KCNN2: variants seen among roughly 807,000 people sequenced by gnomAD.
KCNN2 encodes potassium calcium-activated channel subfamily N member 2, also known as small conductance calcium-activated potassium channel protein 2.
A neutral mutation model predicts 55.5 loss-of-function variants in KCNN2; 24 were observed. That is an observed-to-expected ratio of 0.43 (90% CI 0.31 to 0.61). The LOEUF is 0.61. Among genes scored for constraint, KCNN2 ranks in the 20% least tolerant of loss-of-function variants. The pLI is 0.08. For missense variants in KCNN2, 754 were observed against 853.6 expected (o/e 0.88, Z 1.45); for synonymous variants, 431 against 336.1 (o/e 1.28, Z -3.09).
chr5:114,261,487 C>A (rs554891400), intron 2 of KCNN2, among the ~76,000 whole-genome samples: 30 of 152,274 alleles, frequency 2.0e-4, no homozygotes, highest in African/African-American at 6.7e-4. Flanking sequence ...TCCAAGTGAA[C>A]CTTTCACACA....
chr5:114,473,265 G>T, intron 5 of KCNN2, 101 bp downstream of exon 5: 1 of 778,774 alleles, frequency 1.3e-6, no homozygotes, highest in East Asian at 2.7e-5. Context: ...GAAATGACAT[G>T]GTTTGAAAGT....
intron 2 of KCNN2, among the ~76,000 whole-genome samples, chr5:114,232,922 C>CTCGTTTTTTTTTTTTTTT (rs200715120): frequency 1.8e-4 from 8 of 44,024 alleles, no homozygotes; most frequent in Admixed American, 5.4e-4. Flanking sequence ...TATATTGTTT[C>CTCGTTTTTTTTTTTTTTT]TTGTTTTTTT....
At chr5:114,206,262 C>T (rs1302012144) in intron 1 of KCNN2, among the ~76,000 whole-genome samples, 1 of 152,188 alleles carries the variant, frequency 6.6e-6, no homozygotes, top group East Asian at 1.9e-4. Flanking sequence ...TTTCCAAATA[C>T]ATTAAGTCCT....
At chr5:114,277,734 T>C (rs1248024652) in intron 2 of KCNN2, among the ~76,000 whole-genome samples, 1 of 152,174 alleles carries the variant, frequency 6.6e-6, no homozygotes, top group Non-Finnish European at 1.5e-5. Flanking sequence ...GTTAGCCATT[T>C]GTCTAACCTT....
intron 2 of KCNN2, among the ~76,000 whole-genome samples, chr5:114,381,719 C>T (rs908985466): frequency 6.6e-6 from 1 of 152,214 alleles, no homozygotes; most frequent in African/African-American, 2.4e-5. Context: ...CTCTTCCTTT[C>T]CTGAGCAACA....
chr5:114,235,249 A>G (rs1435941303), intron 2 of KCNN2, among the ~76,000 whole-genome samples: 1 of 152,164 alleles, frequency 6.6e-6, no homozygotes, highest in Admixed American at 6.5e-5. Context: ...TGCAAATCCA[A>G]CTTGTCCTTT....
At chr5:114,457,187 A>G (rs953657600) in intron 3 of KCNN2, among the ~76,000 whole-genome samples, 1 of 152,190 alleles carries the variant, frequency 6.6e-6, no homozygotes, top group Non-Finnish European at 1.5e-5. Flanking sequence ...TGCCACAGCC[A>G]TCTCAACCTT....
chr5:114,402,622 G>C (rs1196896409), intron 2 of KCNN2, among the ~76,000 whole-genome samples: 1 of 152,210 alleles, frequency 6.6e-6, no homozygotes, highest in Non-Finnish European at 1.5e-5. Flanking sequence ...GTATCAAATA[G>C]AGGGTATTTC....
chr5:114,094,783 T>C (rs966463767), intron 1 of KCNN2, among the ~76,000 whole-genome samples: 2 of 152,138 alleles, frequency 1.3e-5, no homozygotes, highest in Admixed American at 1.3e-4. Context: ...TGCTTTGCTC[T>C]CTGAATCAGA....
chr5:114,321,469 T>C (rs901814102), intron 2 of KCNN2, among the ~76,000 whole-genome samples: 3 of 152,000 alleles, frequency 2.0e-5, no homozygotes, highest in Non-Finnish European at 4.4e-5. Context: ...TACAACTCTT[T>C]TGTCTATAAG....
chr5:114,251,622 T>C (rs1393842182), intron 2 of KCNN2, among the ~76,000 whole-genome samples: 1 of 152,230 alleles, frequency 6.6e-6, no homozygotes. Flanking sequence ...CAGTAAGTTC[T>C]TGACTTTGAA....
chr5:114,412,524 G>A (rs1759168885), intron 3 of KCNN2, among the ~76,000 whole-genome samples: 1 of 152,176 alleles, frequency 6.6e-6, no homozygotes, highest in Non-Finnish European at 1.5e-5. Context: ...ACATAAGCCA[G>A]TTGTCATGGA....
intron 1 of KCNN2, among the ~76,000 whole-genome samples, chr5:114,220,561 A>G (rs1298670093): frequency 1.3e-5 from 2 of 152,162 alleles, no homozygotes; most frequent in Non-Finnish European, 2.9e-5. Context: ...AAAAAGAGAA[A>G]GGAATTATGA....
At chr5:114,197,206 T>C (rs1423429495) in intron 1 of KCNN2, among the ~76,000 whole-genome samples, 2 of 152,216 alleles carry the variant, frequency 1.3e-5, no homozygotes, top group Non-Finnish European at 2.9e-5. Flanking sequence ...TTTCTATTAT[T>C]CTAATTATTT....
chr5:114,107,367 G>C (rs1254445547), intron 1 of KCNN2, among the ~76,000 whole-genome samples: 5 of 151,750 alleles, frequency 3.3e-5, no homozygotes, highest in African/African-American at 1.2e-4. Context: ...GTATTTCCTA[G>C]TGTCCACTCT....
chr5:114,483,221 T>C (rs746100682), intron 5 of KCNN2, among the ~76,000 whole-genome samples: 4 of 151,756 alleles, frequency 2.6e-5, no homozygotes, highest in Non-Finnish European at 4.4e-5. Flanking sequence ...TTTTAAGGAA[T>C]CTGGGTAAGT....
chr5:114,254,557 T>A (rs554435819), intron 2 of KCNN2, among the ~76,000 whole-genome samples: 1 of 152,298 alleles, frequency 6.6e-6, no homozygotes, highest in African/African-American at 2.4e-5. Context: ...GCTGAAGCAG[T>A]CCCAGTATCT....
chr5:114,298,398 G>A (rs1431600952), intron 2 of KCNN2, among the ~76,000 whole-genome samples: 2 of 152,142 alleles, frequency 1.3e-5, no homozygotes, highest in African/African-American at 2.4e-5. Context: ...GGCACCTCCC[G>A]GCTCTTCTCC....
chr5:114,465,489 A>G (rs1269432011), intron 4 of KCNN2, among the ~76,000 whole-genome samples: 1 of 152,044 alleles, frequency 6.6e-6, no homozygotes, highest in Non-Finnish European at 1.5e-5. Context: ...GCACATGCCT[A>G]TAATCCCAGC....
Sources: gnomAD v4.1 joint callset for allele counts (sites outside exome capture counted in the v4.1 genomes callset) on GRCh38, gnomAD v4.1.1 for gene constraint, MANE v1.5 for transcripts, NCBI Gene and HGNC (gene_info 2026-07-23, HGNC 2026-07-21) for gene names.